The following AKT3 variants were observed in gnomAD, a reference collection of about 807,000 sequenced individuals.
The protein encoded by AKT3 is RAC-gamma serine/threonine-protein kinase.
In AKT3, 15 loss-of-function variants were observed where a neutral mutation model predicts 65.3. That is an observed-to-expected ratio of 0.23 (90% CI 0.15 to 0.35). AKT3 has a LOEUF of 0.35. Among genes scored for constraint, AKT3 ranks in the 10% least tolerant of loss-of-function variants. The pLI is 1.00. For missense variants in AKT3, 243 were observed against 576.5 expected (o/e 0.42, Z 5.92); for synonymous variants, 206 against 183.8 (o/e 1.12, Z -0.98).
downstream of AKT3, among the ~76,000 whole-genome samples, chr1:243,495,730 C>T (rs1667683034): frequency 6.6e-6 from 1 of 152,202 alleles, no homozygotes; most frequent in African/African-American, 2.4e-5. Context: ...CCGCGTTTCC[C>T]CGACGTTCTG....
chr1:243,684,141 T>A (rs1267733690), intron 3 of AKT3, among the ~76,000 whole-genome samples: 1 of 152,136 alleles, frequency 6.6e-6, no homozygotes, highest in Non-Finnish European at 1.5e-5. Flanking sequence ...GAATACTTTT[T>A]TTTGTATAAA....
downstream of AKT3, among the ~76,000 whole-genome samples, chr1:243,495,665 C>A (rs1355283402): frequency 2.0e-5 from 3 of 152,186 alleles, no homozygotes; most frequent in Non-Finnish European, 4.4e-5. Context: ...CTGACTGCCC[C>A]TCGGCTCTGT....
rs547771113 is a variant in AKT3, at chr1:243,730,926, G to A, written c.47-35210C>T. On this transcript the variant is annotated intron_variant, in intron 2 of 13. Transcript: ENST00000673466. ...GCTGCCTGCCCCACCACAGCTGGCC[G>A]GACCCTGTGTTAGCTCTCTCACACA... 1.4e-4 allele frequency among the ~76,000 whole-genome samples: 22 copies of A among 152,314 alleles called. No homozygotes were observed. In the East Asian group the frequency reaches 3.3e-3, roughly 23 times the overall value.
chr1:243,562,183 G>A (rs115802723), intron 10 of AKT3, among the ~76,000 whole-genome samples: 1 of 152,132 alleles, frequency 6.6e-6, no homozygotes, highest in African/African-American at 2.4e-5. Flanking sequence ...CTAAAACAGG[G>A]AGGAACACTG....
chr1:243,587,256 C>T (rs1675877162), intron 8 of AKT3, among the ~76,000 whole-genome samples: 1 of 152,136 alleles, frequency 6.6e-6, no homozygotes, highest in African/African-American at 2.4e-5. Flanking sequence ...AACAATCTGG[C>T]AATAGATAGC....
In AKT3 at chr1:243,620,687, C is replaced by G. The variant is rs570007466; in HGVS notation, c.562-5526G>C. ...TGTCTTCTGTTCCTTGATTTCTATT[C>G]CTTTTTTTGAAGATTTCTCACCTTG... On this transcript the variant is annotated intron_variant, in intron 6 of 13. Transcript: ENST00000673466. Among the ~76,000 whole-genome samples the G allele has an allele frequency of 1.4e-3, 218 of 152,208 alleles. 6 individuals are homozygous for G. The South Asian group carries it at 0.044, about 30-fold the overall frequency.
chr1:243,564,553 C>T (rs1442622405), intron 9 of AKT3, among the ~76,000 whole-genome samples: 4 of 151,978 alleles, frequency 2.6e-5, no homozygotes, highest in South Asian at 2.1e-4. Context: ...GTGCCTCAAG[C>T]GGAAAATTAT....
At chr1:243,760,068 T>G (rs938599994) in intron 2 of AKT3, among the ~76,000 whole-genome samples, 1 of 152,246 alleles carries the variant, frequency 6.6e-6, no homozygotes, top group South Asian at 2.1e-4. Context: ...TACTCCTAGA[T>G]TGCTATCCAA....
intron 2 of AKT3, among the ~76,000 whole-genome samples, chr1:243,725,819 AC>A (rs1423377777): frequency 1.3e-5 from 2 of 152,232 alleles, no homozygotes; most frequent in Non-Finnish European, 2.9e-5. Flanking sequence ...TGCCACATAT[AC>A]ATGGCTAAAA....
At chr1:243,698,657 C>T (rs141345699) in intron 2 of AKT3, among the ~76,000 whole-genome samples, 1 of 152,106 alleles carries the variant, frequency 6.6e-6, no homozygotes, top group East Asian at 1.9e-4. Context: ...GATGTACTCA[C>T]TCACATAGAA....
chr1:243,756,963 G>T (rs1284042384), intron 2 of AKT3, among the ~76,000 whole-genome samples: 1 of 152,062 alleles, frequency 6.6e-6, no homozygotes, highest in African/African-American at 2.4e-5. Context: ...ATCTAATCAG[G>T]AAGAAACATT....
At chr1:243,525,058 G>T (rs917971192) in intron 12 of AKT3, among the ~76,000 whole-genome samples, 1 of 152,118 alleles carries the variant, frequency 6.6e-6, no homozygotes, top group Non-Finnish European at 1.5e-5. Context: ...AGTGAAGGAG[G>T]TGAAATTCCA....
chr1:243,743,153 C>T (rs766660808), intron 2 of AKT3, among the ~76,000 whole-genome samples: 13 of 152,178 alleles, frequency 8.5e-5, no homozygotes, highest in Non-Finnish European at 1.6e-4. Flanking sequence ...TCAAAAACAG[C>T]TCTAAAATAC....
chr1:243,502,872 C>T lies in AKT3; in HGVS notation c.*2377G>A, dbSNP rs1164330788. Reference sequence around the variant, plus strand: ...TCCTTGGCCAAGGTCATGGGAATCACTTTAAGATTTGCGGGAGAAAAAACC... The same window carrying T: ...TCCTTGGCCAAGGTCATGGGAATCATTTTAAGATTTGCGGGAGAAAAAACC... On this transcript the variant is annotated 3_prime_UTR_variant, in exon 14 of 14. Coordinates refer to ENST00000673466, the MANE Select transcript of AKT3 (RefSeq NM_005465.7). 3.4e-5 allele frequency: 8 copies of T among 233,142 alleles called. No individual in the cohort carries two copies. The highest frequency in any genetic ancestry group is 6.8e-5 in the Non-Finnish European group (8 of 118,052). 14.4% of individuals were successfully genotyped at this position (233,142 alleles called of 1,614,324 possible). A position where few individuals can be genotyped will look rare whatever the true frequency, so the allele number is the denominator to read the frequency against.
intron 4 of AKT3, among the ~76,000 whole-genome samples, chr1:243,663,074 A>G (rs186216483): frequency 6.6e-6 from 1 of 152,236 alleles, no homozygotes; most frequent in Non-Finnish European, 1.5e-5. Context: ...TCATCCAGCC[A>G]GTCAATAAAT....
intron 13 of AKT3, among the ~76,000 whole-genome samples, chr1:243,510,205 G>A (rs1001848589): frequency 3.9e-5 from 6 of 152,182 alleles, no homozygotes; most frequent in Non-Finnish European, 8.8e-5. Context: ...TCAGAGGGGA[G>A]GCAAGCCTGG....
chr1:243,710,007 A>T (rs753843395), intron 2 of AKT3, among the ~76,000 whole-genome samples: 22 of 152,194 alleles, frequency 1.4e-4, no homozygotes, highest in Non-Finnish European at 2.6e-4. Context: ...AAAACACATT[A>T]AAAAATTTAA....
At chr1:243,693,780 G>C (rs535527903) in intron 3 of AKT3, among the ~76,000 whole-genome samples, 9 of 152,168 alleles carry the variant, frequency 5.9e-5, no homozygotes, top group Non-Finnish European at 1.0e-4. Flanking sequence ...GGTAAGTCAA[G>C]CTTTAGTAAT....
intron 9 of AKT3, among the ~76,000 whole-genome samples, chr1:243,572,064 AAAAG>A (rs1407782524): frequency 1.3e-5 from 2 of 152,212 alleles, no homozygotes; most frequent in Admixed American, 6.5e-5. Flanking sequence ...TGCTTCTTAC[AAAAG>A]AAAGACTAAC....
Sources: allele counts gnomAD v4.1 joint callset (sites outside exome capture counted in the v4.1 genomes callset), GRCh38; gene constraint gnomAD v4.1.1; transcripts MANE v1.5; gene names NCBI Gene and HGNC (gene_info 2026-07-23, HGNC 2026-07-21).